The following ADARB2 variants were observed in gnomAD, a reference collection of about 807,000 sequenced individuals.
ADARB2 encodes the protein inactive double-stranded RNA-specific editase B2.
ADARB2 carries 25 observed loss-of-function variants against 62.2 expected under a neutral mutation model. The ratio of observed to expected loss-of-function variants is 0.40; its 90% CI spans 0.29 to 0.56. The LOEUF (loss-of-function observed/expected upper bound fraction) is 0.56, where lower values mean the gene tolerates loss of function less well. ADARB2 is among the 20% of genes least tolerant of loss of function. The pLI is 0.43. For missense variants in ADARB2, 1,071 were observed against 1,077.4 expected, an observed-to-expected ratio of 0.99 and a Z score of 0.08; for synonymous variants, 572 against 500.8, an observed-to-expected ratio of 1.14 and a Z score of -1.90.
At chr10:1,458,810 G>C (rs528039405) in intron 1 of ADARB2, among the ~76,000 whole-genome samples, 1 of 152,216 alleles carries the variant, frequency 6.6e-6, no homozygotes, top group East Asian at 1.9e-4. Context: ...ACATTTCTAA[G>C]TTTAACACTA....
At chr10:1,595,275 A>C (rs1236092097) in intron 1 of ADARB2, among the ~76,000 whole-genome samples, 1 of 152,228 alleles carries the variant, frequency 6.6e-6, no homozygotes, top group Non-Finnish European at 1.5e-5. Flanking sequence ...AAATGCGCTG[A>C]AGAACAGCTT....
Position 1,561,009 on chromosome 10 carries a change from G to A in ADARB2, c.100+176042C>T, listed in dbSNP as rs551800279. ...CTAGAGTTTCAGATCCTCACTCACC[G>A]TCCAACAGAAACGTAACGTGAGCCA... On this transcript the variant is annotated intron_variant, in intron 1 of 9. Coordinates refer to ENST00000381312, the MANE Select transcript of ADARB2 (RefSeq NM_018702.4). 8.9e-4 allele frequency among the ~76,000 whole-genome samples: 136 copies of A among 152,226 alleles called. 1 individual carries two copies. The South Asian group carries it at 0.026, about 29-fold the overall frequency.
chr10:1,200,332 C>A, intron 7 of ADARB2, 185 bp from the exon 8 acceptor site: 1 of 753,154 alleles, frequency 1.3e-6, no homozygotes, highest in Non-Finnish European at 2.3e-6. Flanking sequence ...ACACTGTTGC[C>A]TGGGACTGGG....
chr10:1,554,639 G>T (rs1240810794), intron 1 of ADARB2, among the ~76,000 whole-genome samples: 1 of 152,146 alleles, frequency 6.6e-6, no homozygotes, highest in African/African-American at 2.4e-5. Flanking sequence ...GTGGGCATCA[G>T]TAGGTCCTTT....
intron 1 of ADARB2, among the ~76,000 whole-genome samples, chr10:1,439,359 T>C (rs908104014): frequency 7.1e-6 from 1 of 139,920 alleles, no homozygotes; most frequent in Non-Finnish European, 1.5e-5. Flanking sequence ...CTCCTGAGTC[T>C]CCTCAGCAGG....
intron 1 of ADARB2, among the ~76,000 whole-genome samples, chr10:1,564,988 C>A (rs1355406095): frequency 6.6e-6 from 1 of 152,218 alleles, no homozygotes; most frequent in African/African-American, 2.4e-5. Flanking sequence ...AGACCTGCAT[C>A]CCACCTGGCC....
chr10:1,502,843 G>T (rs1831783280), intron 1 of ADARB2, among the ~76,000 whole-genome samples: 1 of 152,222 alleles, frequency 6.6e-6, no homozygotes, highest in Admixed American at 6.5e-5. Context: ...ATGCAAGAAA[G>T]AATTATTTTT....
At chr10:1,594,249 C>T (rs1833303505) in intron 1 of ADARB2, among the ~76,000 whole-genome samples, 1 of 152,158 alleles carries the variant, frequency 6.6e-6, no homozygotes, top group Non-Finnish European at 1.5e-5. Context: ...TGAGATCGTG[C>T]CACTGCACTC....
At chr10:1,516,391 C>T (rs1832009517) in intron 1 of ADARB2, among the ~76,000 whole-genome samples, 1 of 152,196 alleles carries the variant, frequency 6.6e-6, no homozygotes, top group Admixed American at 6.5e-5. Context: ...GGATTCAGAG[C>T]TTCCCACCTG....
At chr10:1,674,609 C>T (rs886758155) in intron 1 of ADARB2, among the ~76,000 whole-genome samples, 3 of 152,108 alleles carry the variant, frequency 2.0e-5, no homozygotes, top group Non-Finnish European at 2.9e-5. Context: ...GGTTGTGTTG[C>T]GGTTGGGAGG....
rs897229634 is a variant in ADARB2 at position 1,179,474 on chromosome 10, T to A, written c.*3719A>T. 1 of 152,238 alleles carries A rather than the reference T, an allele frequency of 6.6e-6. No homozygotes were observed. The highest frequency in any genetic ancestry group is 1.5e-5 in the Non-Finnish European group (1 of 68,048). The allele number at this position is 152,238 out of a possible 1,614,324, so 9.4% of individuals were successfully genotyped here. ...CCCACAGAAACCCTAACTCTATCCC[T>A]TGATATCACACACGGCTGCAAAACC... On this transcript the variant is annotated 3_prime_UTR_variant, in exon 10 of 10. Transcript: ENST00000381312.
intron 3 of ADARB2, among the ~76,000 whole-genome samples, chr10:1,305,236 C>G (rs1286862392): frequency 6.9e-6 from 1 of 143,960 alleles, no homozygotes; most frequent in African/African-American, 2.5e-5. Flanking sequence ...ACTGATCCCA[C>G]AGAAATACAA....
chr10:1,565,432 C>T (rs889077393), intron 1 of ADARB2, among the ~76,000 whole-genome samples: 25 of 152,224 alleles, frequency 1.6e-4, no homozygotes, highest in African/African-American at 5.8e-4. Context: ...TTCTCCGGTG[C>T]TGTCTATCTT....
intron 1 of ADARB2, among the ~76,000 whole-genome samples, chr10:1,464,576 A>G (rs372709017): frequency 5.9e-4 from 17 of 28,748 alleles, no homozygotes; most frequent in Non-Finnish European, 9.6e-4. Flanking sequence ...CGGGCAGTGC[A>G]CTGGAGAAGA....
intron 1 of ADARB2, among the ~76,000 whole-genome samples, chr10:1,500,173 C>A (rs1180734308): frequency 6.6e-6 from 1 of 152,228 alleles, no homozygotes; most frequent in Non-Finnish European, 1.5e-5. Flanking sequence ...CAGTGCCTCC[C>A]ACTGAACCCA....
At chr10:1,657,337 T>C (rs1173760836) in intron 1 of ADARB2, among the ~76,000 whole-genome samples, 1 of 152,224 alleles carries the variant, frequency 6.6e-6, no homozygotes, top group Non-Finnish European at 1.5e-5. Flanking sequence ...AAGTGAGATT[T>C]AGCCTAGGGA....
intron 1 of ADARB2, among the ~76,000 whole-genome samples, chr10:1,620,510 G>T (rs1470571146): frequency 6.7e-6 from 1 of 148,898 alleles, no homozygotes; most frequent in Non-Finnish European, 1.5e-5. Flanking sequence ...ACAAGAAAAG[G>T]CCCAGGCCCA....
At chr10:1,248,636 A>G (rs1048671676) in intron 4 of ADARB2, among the ~76,000 whole-genome samples, 37 of 152,344 alleles carry the variant, frequency 2.4e-4, no homozygotes, top group African/African-American at 7.9e-4. Context: ...ATTTACTCCA[A>G]TCCTTCCAAT....
intron 1 of ADARB2, among the ~76,000 whole-genome samples, chr10:1,611,926 C>T (rs1279404252): frequency 6.6e-6 from 1 of 152,124 alleles, no homozygotes; most frequent in Non-Finnish European, 1.5e-5. Context: ...GGGGCCTCTT[C>T]CCGCCCCCAC....
Sources: allele counts gnomAD v4.1 joint callset (sites outside exome capture counted in the v4.1 genomes callset), GRCh38; gene constraint gnomAD v4.1.1; transcripts MANE v1.5; gene names NCBI Gene and HGNC (gene_info 2026-07-23, HGNC 2026-07-21).